The following TRIM66 variants were observed in gnomAD, a reference collection of about 807,000 sequenced individuals.
The protein encoded by TRIM66 is tripartite motif containing 66, also known as tripartite motif-containing protein 66.
TRIM66 carries 99 observed loss-of-function variants against 148.2 expected under a neutral mutation model. The observed-to-expected ratio is 0.67, with a 90% CI of 0.57 to 0.79. The LOEUF (loss-of-function observed/expected upper bound fraction) is 0.79, where lower values mean the gene tolerates loss of function less well. TRIM66 is among the 30% of genes least tolerant of loss of function. TRIM66 has a pLI of 0.00. For synonymous variants in TRIM66, 616 were observed against 635.9 expected, an observed-to-expected ratio of 0.97 and a Z score of 0.47; for missense variants, 1,666 against 1,697.9, an observed-to-expected ratio of 0.98 and a Z score of 0.33.
Position 8,645,770 on chromosome 11 carries a change from T to C in TRIM66, c.1075A>G (p.Ser359Gly). The C allele has an allele frequency of 1.3e-6, 2 of 1,551,742 alleles. No individual in the cohort carries two copies. The highest frequency in any genetic ancestry group is 1.7e-6 in the Non-Finnish European group (2 of 1,146,982). The change falls in exon 12 of 25, where the codon AGT becomes GGT. Residue 359 changes from serine (S) to glycine (G), a missense_variant. Around this residue, in one of 3 missense-constraint regions of TRIM66, gnomAD observed 1,431 missense variants for 1,412.4 expected, o/e 1.01. Coordinates refer to ENST00000646038, the MANE Select transcript of TRIM66 (RefSeq NM_001388022.1). ...TCTTTGCTGAAAAGAAAAGGGACAC[T>C]GGTTTTGCTGCAGACAGCCCAGTTG... ...FINWAVCSKT[S>G]VPFLFSKELI...
At chr11:8,632,202 G>A (rs1477829887) in intron 15 of TRIM66, among the ~76,000 whole-genome samples, 1 of 151,850 alleles carries the variant, frequency 6.6e-6, no homozygotes, top group African/African-American at 2.4e-5. Flanking sequence ...CAGCTACTCA[G>A]GAGGCTGAGG....
intron 15 of TRIM66, 143 bp from the exon 16 acceptor site, chr11:8,625,371 A>G: frequency 9.3e-7 from 1 of 1,079,060 alleles, no homozygotes; most frequent in Non-Finnish European, 1.3e-6. Flanking sequence ...GCTGCCAGGA[A>G]CTCAGGCAAT....
chr11:8,659,683 GACTGGGAATCTGT>G (rs2038115825), intron 6 of TRIM66, among the ~76,000 whole-genome samples: 1 of 152,146 alleles, frequency 6.6e-6, no homozygotes, highest in Non-Finnish European at 1.5e-5. Context: ...GTGGGTGTGG[GACTGGGAATCTGT>G]ATTTTTAGCA....
chr11:8,624,371 G>C lies in TRIM66; in HGVS notation c.3007C>G (p.Gln1003Glu). 1 of 1,550,842 alleles carries C rather than the reference G, an allele frequency of 6.4e-7. No homozygotes were observed. The part of the protein sequence containing the change: ...VSTSTALQQY[Q>E]NPKECENFEQ... ...GCTTGAGTCTCACCTTTTGGGTTCT[G>C]GTACTGCTGCAGAGCTGTAGACGTG... Residue 1003 changes from glutamine (Q) to glutamate (E), a missense_variant, in exon 17 of 25, where the codon CAG (glutamine) becomes GAG (glutamate). Gln to Glu is a conservative substitution (Grantham distance 29). This residue lies in a region of TRIM66 where 1,431 missense variants were observed against 1,412.4 expected (regional missense o/e 1.01). Transcript: ENST00000646038.
chr11:8,646,621 G>C (rs2036870151), intron 10 of TRIM66, 60 bp from the exon 11 acceptor site: 2 of 1,380,384 alleles, frequency 1.4e-6, no homozygotes, highest in African/African-American at 1.4e-5. Flanking sequence ...TGAAGACGAA[G>C]AGACAGCAAA....
rs2036934292 is a variant in TRIM66, at chr11:8,647,136, T to C, written c.843-575A>G. 2.6e-5 allele frequency among the ~76,000 whole-genome samples: 4 copies of C among 151,080 alleles called. 1 individual carries two copies. The South Asian group carries it at 8.3e-4, about 31-fold the overall frequency. ...AAACATATAATAATGTTTATATTAA[T>C]GTGGCTTCTTTTTGGGGGGATGAAA... On this transcript the variant is annotated intron_variant, in intron 10 of 24. Transcript: ENST00000646038.
intron 15 of TRIM66, among the ~76,000 whole-genome samples, chr11:8,635,972 G>A (rs1161800316): frequency 6.6e-6 from 1 of 152,082 alleles, no homozygotes; most frequent in African/African-American, 2.4e-5. Flanking sequence ...AACCACCTTT[G>A]CAAAAATTAT....
intron 1 of TRIM66, among the ~76,000 whole-genome samples, chr11:8,681,646 C>CA (rs935938895): frequency 2.2e-5 from 3 of 133,746 alleles, no homozygotes; most frequent in African/African-American, 7.4e-5. Flanking sequence ...AGAGCGAAGA[C>CA]ATGCTGCTAT....
Position 8,674,881 on chromosome 11 carries a change from C to G in TRIM66, c.-187G>C, listed in dbSNP as rs903615230. ...GAAAATCCAGTCTCACACAGACATA[C>G]AGCTGGAAAAGATAGGAGTACTTTA... On this transcript the variant is annotated splice_region_variant and 5_prime_UTR_variant, in exon 4 of 25. Transcript: ENST00000646038. 3 of 152,174 alleles carry G rather than the reference C, an allele frequency of 2.0e-5. No individual in the cohort carries two copies. The highest frequency in any genetic ancestry group is 2.9e-5 in the Non-Finnish European group (2 of 68,044). 9.4% of individuals were successfully genotyped at this position (152,174 alleles called of 1,614,324 possible).
chr11:8,657,702 A>G (rs1428839257), intron 6 of TRIM66, among the ~76,000 whole-genome samples: 1 of 151,882 alleles, frequency 6.6e-6, no homozygotes, highest in Non-Finnish European at 1.5e-5. Context: ...CAGTCTACTG[A>G]GCACCAGGAG....
intron 13 of TRIM66, 146 bp from the exon 14 acceptor site, chr11:8,641,298 T>C (rs1419842721): frequency 6.7e-6 from 5 of 751,650 alleles, no homozygotes; most frequent in Non-Finnish European, 1.1e-5. Context: ...TCTCCTAGAC[T>C]CGGTCTAGAA....
chr11:8,627,169 G>A (rs1400668255), intron 15 of TRIM66, among the ~76,000 whole-genome samples: 1 of 152,138 alleles, frequency 6.6e-6, no homozygotes, highest in Non-Finnish European at 1.5e-5. Flanking sequence ...ATTAGGGTAC[G>A]GATTTTTATC....
At chr11:8,665,573 C>T (rs900031791) in intron 6 of TRIM66, among the ~76,000 whole-genome samples, 13 of 152,166 alleles carry the variant, frequency 8.5e-5, no homozygotes, top group Non-Finnish European at 1.5e-5. Context: ...CAGCCTGGTA[C>T]ACAGTAGTCA....
intron 6 of TRIM66, among the ~76,000 whole-genome samples, chr11:8,662,320 T>C (rs377110940): frequency 2.6e-5 from 4 of 152,224 alleles, no homozygotes; most frequent in African/African-American, 7.2e-5. Context: ...GCAGCTGAGC[T>C]GCTCATTAAG....
rs1259707051 is a variant in TRIM66 at position 8,617,734 on chromosome 11, T to C, written c.*210A>G. 1.8e-6 allele frequency: 1 copy of C among 554,886 alleles called. No homozygotes were observed. The highest frequency in any genetic ancestry group is 3.2e-6 in the Non-Finnish European group (1 of 311,790). The allele number at this position is 554,886 out of a possible 1,614,324, so 34.4% of individuals were successfully genotyped here. On this transcript the variant is annotated 3_prime_UTR_variant, in exon 25 of 25. Transcript: ENST00000646038. ...TCTGGTAATAATAAATACCTTCCTC[T>C]TTCCTGTTTATTACTGAAATCTTCT...
chr11:8,618,055 T>C, intron 24 of TRIM66, 52 bp from the exon 25 acceptor site: 3 of 1,511,374 alleles, frequency 2.0e-6, no homozygotes, highest in Non-Finnish European at 2.7e-6. Context: ...TAGGATTTAT[T>C]AACATGAAAA....
intron 15 of TRIM66, among the ~76,000 whole-genome samples, chr11:8,628,294 T>C (rs1340791406): frequency 2.0e-5 from 3 of 152,218 alleles, no homozygotes; most frequent in Non-Finnish European, 4.4e-5. Flanking sequence ...TAAGTAGATT[T>C]GATGTAGATT....
At chr11:8,623,519 C>T (rs1478228968) in intron 17 of TRIM66, among the ~76,000 whole-genome samples, 1 of 152,174 alleles carries the variant, frequency 6.6e-6, no homozygotes, top group Non-Finnish European at 1.5e-5. Flanking sequence ...GTTGGCCTTT[C>T]AGTCAGTGTG....
intron 23 of TRIM66, 154 bp downstream of exon 23, chr11:8,619,229 G>T (rs1253106910): frequency 1.1e-6 from 1 of 920,248 alleles, no homozygotes; most frequent in East Asian, 2.7e-5. Flanking sequence ...GAGTGTGGGA[G>T]AGAGCTTTTA....
Sources: gnomAD v4.1 joint callset for allele counts (sites outside exome capture counted in the v4.1 genomes callset) on GRCh38, gnomAD v4.1.1 for gene constraint, gnomAD v4.1.1 regional missense constraint, MANE v1.5 for transcripts, NCBI Gene and HGNC (gene_info 2026-07-23, HGNC 2026-07-21) for gene names.